The following CCDC171 variants were observed in gnomAD, a reference collection of about 807,000 sequenced individuals.
The protein encoded by CCDC171 is coiled-coil domain-containing protein 171.
In CCDC171, 177 loss-of-function variants were observed where a neutral mutation model predicts 168.2. The observed-to-expected ratio is 1.05, with a 90% CI of 0.93 to 1.19. The LOEUF is 1.19. CCDC171 is among the 50% of genes most tolerant of loss of function. The probability of loss-of-function intolerance (pLI) is 0.00; values close to 1 mark genes in which losing one functional copy is unlikely to be tolerated. For missense variants in CCDC171, 1,991 were observed against 1,539.0 expected (o/e 1.29, Z -4.91); for synonymous variants, 687 against 540.8 (o/e 1.27, Z -3.75).
intron 7 of CCDC171, among the ~76,000 whole-genome samples, chr9:15,638,607 A>C (rs1412137886): frequency 2.6e-5 from 4 of 152,062 alleles, no homozygotes; most frequent in Admixed American, 2.6e-4. Context: ...GAAGCTTTTT[A>C]ACAGTTGCAT....
chr9:15,591,498 G>C lies in CCDC171; in HGVS notation c.485G>C (p.Cys162Ser), dbSNP rs777320678. ...GAAAGAGACAATATGATCCAAAATT[G>C]CAATCGAGAATATGATTTACTTATG... The part of the protein sequence containing the change: ...LEERDNMIQN[C>S]NREYDLLMKE... Residue 162 changes from cysteine to serine, a missense_variant, in exon 5 of 26, where the codon TGC (cysteine) becomes TCC (serine). By Grantham distance (112) the Cys-to-Ser change is moderately radical. Transcript: ENST00000380701. 34 of 1,605,096 alleles carry C rather than the reference G, an allele frequency of 2.1e-5. No individual in the cohort carries two copies. Among genetic ancestry groups the C allele is most frequent in the Non-Finnish European group, 2.5e-5 (29 of 1,175,340 alleles).
chr9:16,097,956 T>C, the CCDC171 span, among the ~76,000 whole-genome samples: 1 of 152,244 alleles, frequency 6.6e-6, no homozygotes, highest in African/African-American at 2.4e-5. Flanking sequence ...CCAGTCAGCT[T>C]CATGTTAGGA....
chr9:15,888,930 T>A (rs1398502561), intron 24 of CCDC171: 1 of 150,272 alleles, frequency 6.7e-6, no homozygotes, highest in Non-Finnish European at 1.5e-5. Flanking sequence ...ATATATGGTA[T>A]ATGCCTCATT....
intron 4 of CCDC171, among the ~76,000 whole-genome samples, chr9:15,584,253 T>A (rs541424713): frequency 5.9e-5 from 9 of 152,336 alleles, no homozygotes; most frequent in African/African-American, 2.2e-4. Context: ...GTATTTTTGA[T>A]TATGTAGAGA....
intron 3 of CCDC171, among the ~76,000 whole-genome samples, chr9:15,992,930 C>T (rs918031629): frequency 1.3e-5 from 2 of 152,040 alleles, no homozygotes; most frequent in African/African-American, 4.8e-5. Context: ...AACCACTGCT[C>T]AACAAAATAA....
At chr9:16,093,052 G>T in the CCDC171 span, among the ~76,000 whole-genome samples, 1 of 152,182 alleles carries the variant, frequency 6.6e-6, no homozygotes, top group Non-Finnish European at 1.5e-5. Flanking sequence ...CCATCTCTGA[G>T]CTATGAACGG....
intron 21 of CCDC171, among the ~76,000 whole-genome samples, chr9:15,797,004 A>G (rs1202531102): frequency 6.6e-6 from 1 of 152,202 alleles, no homozygotes; most frequent in African/African-American, 2.4e-5. Flanking sequence ...TTACATTTCT[A>G]TCAGCACTGT....
chr9:15,599,620 A>T, intron 6 of CCDC171, among the ~76,000 whole-genome samples: 1 of 152,048 alleles, frequency 6.6e-6, no homozygotes, highest in Admixed American at 6.6e-5. Flanking sequence ...TCTGACAATT[A>T]TGTGTCTTGG....
chr9:15,644,015 A>G (rs1368772186), intron 7 of CCDC171, among the ~76,000 whole-genome samples: 2 of 152,148 alleles, frequency 1.3e-5, no homozygotes, highest in Non-Finnish European at 2.9e-5. Flanking sequence ...TTTGGCTGTT[A>G]TAAAAAATGG....
At chr9:16,074,205 G>C in the CCDC171 span, among the ~76,000 whole-genome samples, 19 of 152,014 alleles carry the variant, frequency 1.2e-4, no homozygotes, top group African/African-American at 4.6e-4. Context: ...GCTTCTTGTT[G>C]GTTTCCACAC....
the CCDC171 span, among the ~76,000 whole-genome samples, chr9:16,068,132 C>A: frequency 7.0e-6 from 1 of 143,036 alleles, no homozygotes; most frequent in Non-Finnish European, 1.5e-5. Context: ...AATCAATGTA[C>A]AAAAATCACA....
intron 18 of CCDC171, among the ~76,000 whole-genome samples, chr9:15,759,336 C>T (rs1171065518): frequency 6.6e-6 from 1 of 152,118 alleles, no homozygotes; most frequent in Non-Finnish European, 1.5e-5. Flanking sequence ...TTTTAGTATG[C>T]ATTTCAAAGA....
At chr9:15,874,738 G>A in intron 24 of CCDC171, 75 bp downstream of exon 24, 1 of 1,328,768 alleles carries the variant, frequency 7.5e-7, no homozygotes, top group Non-Finnish European at 1.0e-6. Context: ...GAGAATGAAA[G>A]CCTCAAAGTA....
intron 14 of CCDC171, among the ~76,000 whole-genome samples, chr9:15,726,931 A>AAC (rs767798572): frequency 6.6e-6 from 1 of 152,112 alleles, no homozygotes; most frequent in Non-Finnish European, 1.5e-5. Context: ...TTACAGATGA[A>AAC]ACACCTTATA....
Position 15,777,603 on chromosome 9 carries a change from CA to C in CCDC171, c.2678del (p.Asn893IlefsTer10). 1 of 1,599,316 alleles carries C rather than the reference CA, an allele frequency of 6.3e-7. No individual in the cohort carries two copies. The highest frequency in any genetic ancestry group is 8.5e-7 in the Non-Finnish European group (1 of 1,175,202). The stretch of plus-strand genomic sequence containing the variant: ...CTTTTTTTCTTTTTCTTTGAAGATC[CA>C]AATTCCAGAATTTGTGGACATTTAC... Reference protein sequence around the residue: ...ELQDVIGKADPNSRICGHLLI... With the variant: ...ELQDVIGKADXNSRICGHLLI... On this transcript the variant is annotated frameshift_variant, in exon 19 of 26. Coordinates refer to ENST00000380701, the MANE Select transcript of CCDC171 (RefSeq NM_173550.4). LOFTEE classifies it high-confidence loss of function.
intron 21 of CCDC171, among the ~76,000 whole-genome samples, chr9:15,792,914 A>G (rs1021255528): frequency 6.6e-6 from 1 of 152,194 alleles, no homozygotes; most frequent in Non-Finnish European, 1.5e-5. Context: ...AACTGCATCA[A>G]CTAATGAGCA....
Position 15,979,553 on chromosome 9 carries a change from GT to G in CCDC171, n.369-41031del, listed in dbSNP as rs1831729147. Reference sequence around the variant, plus strand: ...CTGTATCTATTGAGATGATCATGTGGTTTTTGTCCTGTATTCTATTAATATG... The same window carrying G: ...CTGTATCTATTGAGATGATCATGTGGTTTTGTCCTGTATTCTATTAATATG... On this transcript the variant is annotated intron_variant and non_coding_transcript_variant, in intron 3 of 9. Transcript: ENST00000486641. 2.0e-5 allele frequency among the ~76,000 whole-genome samples: 3 copies of G among 152,090 alleles called. No homozygotes were observed. The South Asian group carries it at 6.2e-4, about 32-fold the overall frequency.
At chr9:15,669,591 T>C (rs1187874690) in intron 9 of CCDC171, among the ~76,000 whole-genome samples, 2 of 152,178 alleles carry the variant, frequency 1.3e-5, no homozygotes, top group Admixed American at 1.3e-4. Context: ...ACTGTATTTT[T>C]GTACCCATTA....
rs1831757335 is a variant in CCDC171, at chr9:15,980,469, A to G, written n.369-40120A>G. ...TCAGCACCCTCAGCATCCAAGTTCT[A>G]TTTCTGAGACAATAGCCTGCATGTA... is the stretch of plus-strand genomic sequence containing the variant. On this transcript the variant is annotated intron_variant and non_coding_transcript_variant, in intron 3 of 9. Transcript: ENST00000486641. 2.0e-5 allele frequency among the ~76,000 whole-genome samples: 3 copies of G among 152,012 alleles called. 1 individual carries two copies. The highest frequency in any genetic ancestry group is 6.6e-5 in the Admixed American group (1 of 15,262).
Sources: allele counts gnomAD v4.1 joint callset (sites outside exome capture counted in the v4.1 genomes callset), GRCh38; gene constraint gnomAD v4.1.1; transcripts MANE v1.5; gene names NCBI Gene and HGNC (gene_info 2026-07-23, HGNC 2026-07-21).